Variants in FCMR observed in about 807,000 individuals in gnomAD.
The protein encoded by FCMR is immunoglobulin mu Fc receptor.
FCMR carries 34 observed loss-of-function variants against 41.6 expected under a neutral mutation model. That is an observed-to-expected ratio of 0.82 (90% CI 0.62 to 1.09). The LOEUF (loss-of-function observed/expected upper bound fraction) is 1.09, where lower values mean the gene tolerates loss of function less well. FCMR is among the 50% of genes least tolerant of loss of function. The pLI, the probability that FCMR is intolerant of heterozygous loss-of-function variation, is 0.00. For synonymous variants in FCMR, 209 were observed against 211.8 expected, an observed-to-expected ratio of 0.99 and a Z score of 0.12; for missense variants, 496 against 512.5, an observed-to-expected ratio of 0.97 and a Z score of 0.31.
chr1:206,913,593 T>G, intron 2 of FCMR, 166 bp downstream of exon 2: 1 of 616,176 alleles, frequency 1.6e-6, no homozygotes, highest in South Asian at 2.0e-5. Context: ...GTGTGGACCA[T>G]GGAGGTAATT....
At chr1:206,917,804 T>G in intron 1 of FCMR, 1 of 454,578 alleles carries the variant, frequency 2.2e-6, no homozygotes, top group South Asian at 1.6e-5. Context: ...TTTTTTTTTT[T>G]TTTTTAGAGA....
At position 206,907,607 on chromosome 1, in the gene FCMR, C is replaced by A. The variant is rs1374161215; in HGVS notation, c.1044+1855G>T. 5 of 717,622 alleles carry A rather than the reference C, an allele frequency of 7.0e-6. No individual in the cohort carries two copies. The Admixed American group carries it at 9.0e-5, about 13-fold the overall frequency. 44.5% of individuals were successfully genotyped at this position (717,622 alleles called of 1,614,324 possible). On this transcript the variant is annotated intron_variant, in intron 7 of 7. Coordinates refer to ENST00000367091, the MANE Select transcript of FCMR (RefSeq NM_005449.5). The stretch of plus-strand genomic sequence containing the variant: ...AAACAAGGGATTTTCTTTTCCCAGG[C>A]GGCTGCCGAAGATGGCGGGGGTGCA...
At chr1:206,914,253 GCCTCAGCCTGTCCTTAGCCACAGCCTTAT>G (rs1388477279) in intron 1 of FCMR, among the ~76,000 whole-genome samples, 159 bp from the exon 2 acceptor site, 1 of 152,010 alleles carries the variant, frequency 6.6e-6, no homozygotes, top group Non-Finnish European at 1.5e-5. Flanking sequence ...TATTAGCCTG[GCCTCAGCCTGTCCTTAGCCACAGCCTTAT>G]CCTCATTTCT....
At chr1:206,921,353 C>T (rs998748281) in intron 1 of FCMR, 76 of 438,132 alleles carry the variant, frequency 1.7e-4, no homozygotes, top group South Asian at 6.6e-5. Flanking sequence ...GTAATCCCAG[C>T]GCTTTGTGAA....
intron 7 of FCMR, chr1:206,907,500 T>G: frequency 4.8e-6 from 2 of 420,788 alleles, no homozygotes; most frequent in Admixed American, 3.1e-5. Flanking sequence ...TGAGCCTTTA[T>G]TTGGGGAGGG....
At chr1:206,908,153 A>T in intron 7 of FCMR, 2 of 1,417,446 alleles carry the variant, frequency 1.4e-6, no homozygotes, top group East Asian at 4.6e-5. Context: ...AGGCTACGGA[A>T]ACGGGCCGAG....
rs1176500537 is a variant in FCMR, at chr1:206,914,475, A to G, written c.38-381T>C. On this transcript the variant is annotated intron_variant, in intron 1 of 7. Coordinates refer to ENST00000367091, the MANE Select transcript of FCMR (RefSeq NM_005449.5). ...TTAATAGGATCTCACTCTGTTACGC[A>G]GGCTGGAGAGCAGTGGTATGATCAT... Among the ~76,000 whole-genome samples, 16 of 135,792 alleles carry G rather than the reference A, an allele frequency of 1.2e-4. No homozygotes were observed. The Admixed American group carries it at 1.3e-3, about 11-fold the overall frequency. The allele number at this position is 135,792 out of a possible 152,430, so 89.1% of individuals were successfully genotyped here.
intron 1 of FCMR, among the ~76,000 whole-genome samples, chr1:206,919,676 A>T (rs73072403): frequency 3.2e-4 from 48 of 152,274 alleles, no homozygotes; most frequent in African/African-American, 1.1e-3. Context: ...GGGCATGGGC[A>T]TGACTGGAGA....
chr1:206,922,035 AAAAGAGAGTGCTGAC>A, upstream of FCMR: 1 of 625,160 alleles, frequency 1.6e-6, no homozygotes, highest in South Asian at 2.0e-5. Context: ...TCTCAGGCTA[AAAAGAGAGTGCTGAC>A]AAACCACAGC....
At chr1:206,915,979 G>A (rs552956632) in intron 1 of FCMR, among the ~76,000 whole-genome samples, 119 of 152,058 alleles carry the variant, frequency 7.8e-4, no homozygotes, top group African/African-American at 2.8e-3. Context: ...AATCATGGGA[G>A]GGGGAAAGGG....
chr1:206,921,170 A>G (rs1456137299), intron 1 of FCMR, among the ~76,000 whole-genome samples: 1 of 152,222 alleles, frequency 6.6e-6, no homozygotes, highest in Non-Finnish European at 1.5e-5. Context: ...TTAGGGTTGA[A>G]AGTTGGAAAT....
intron 7 of FCMR, chr1:206,906,174 T>C (rs1261620288): frequency 1.9e-6 from 1 of 517,796 alleles, no homozygotes; most frequent in African/African-American, 2.0e-5. Context: ...CAGCTCAAGA[T>C]GTCAACCCGA....
At position 206,909,546 on chromosome 1, in the gene FCMR, G is replaced by A; in HGVS notation, c.986-26C>T. The A allele has an allele frequency of 7.6e-7, 1 of 1,322,858 alleles. No individual in the cohort carries two copies. Among genetic ancestry groups the A allele is most frequent in the Non-Finnish European group, 9.6e-7 (1 of 1,038,476 alleles). The allele number at this position is 1,322,858 out of a possible 1,614,324, so 81.9% of individuals were successfully genotyped here. A position where few individuals can be genotyped will look rare whatever the true frequency, so the allele number is the denominator to read the frequency against. On this transcript the variant is annotated intron_variant, in intron 6 of 7. Transcript: ENST00000367091. This position sits in a 1 kb window ranked among gnomAD's most constrained non-coding sequence, Gnocchi z 5.0. ...CTAGGGAACAGCGAGGGCGAGGTGA[G>A]GCGGCGGCCGAGGCTCCCGCCCCAC...
intron 1 of FCMR, among the ~76,000 whole-genome samples, chr1:206,920,243 T>G (rs1393703731): frequency 6.6e-6 from 1 of 151,812 alleles, no homozygotes; most frequent in Non-Finnish European, 1.5e-5. Flanking sequence ...TCATCTGAGG[T>G]CAGGAGTTCA....
Position 206,913,774 on chromosome 1 carries a change from G to T in FCMR, c.358C>A (p.Leu120Met), listed in dbSNP as rs571196023. The T allele has an allele frequency of 3.7e-6, 6 of 1,613,914 alleles. No homozygotes were observed. The highest frequency in any genetic ancestry group is 5.1e-6 in the Non-Finnish European group (6 of 1,179,910). ...AGGAACCTACCACTGTGGACATTCA[G>T]GGTGACTTTCTGGGTCTTTCCCCGG... ...TDRGKTQKVT[L>M]NVHSEYEPSW... Residue 120 changes from leucine to methionine, a missense_variant, in exon 2 of 8, where the codon CTG (leucine) becomes ATG (methionine). Coordinates refer to ENST00000367091, the MANE Select transcript of FCMR (RefSeq NM_005449.5).
intron 1 of FCMR, among the ~76,000 whole-genome samples, chr1:206,920,235 A>C (rs994159927): frequency 6.6e-6 from 1 of 152,110 alleles, no homozygotes; most frequent in Non-Finnish European, 1.5e-5. Flanking sequence ...CGGGTGGATC[A>C]TCTGAGGTCA....
intron 2 of FCMR, among the ~76,000 whole-genome samples, chr1:206,913,300 G>A (rs1054812785): frequency 6.6e-6 from 1 of 152,182 alleles, no homozygotes; most frequent in Non-Finnish European, 1.5e-5. Context: ...TATGTGTGGG[G>A]AACTCAGTGG....
intron 7 of FCMR, chr1:206,907,994 T>A (rs1678748613): frequency 6.9e-7 from 1 of 1,450,000 alleles, no homozygotes; most frequent in Non-Finnish European, 9.6e-7. Flanking sequence ...GCCCTCAAGG[T>A]CGTGCGTCTG....
At chr1:206,910,449 C>T (rs1221050276) in intron 4 of FCMR, 109 bp from the exon 5 acceptor site, 3 of 879,932 alleles carry the variant, frequency 3.4e-6, no homozygotes, top group Admixed American at 4.0e-5. Flanking sequence ...ACAGGTTTGT[C>T]CTTTTGTTAA....
Sources: gnomAD v4.1 joint callset for allele counts (sites outside exome capture counted in the v4.1 genomes callset) on GRCh38, gnomAD v4.1.1 for gene constraint, Gnocchi (gnomAD v3.1) non-coding constraint, MANE v1.5 for transcripts, NCBI Gene and HGNC (gene_info 2026-07-23, HGNC 2026-07-21) for gene names.